The following RBFOX1 variants were observed in gnomAD, a reference collection of about 807,000 sequenced individuals.
RBFOX1 encodes the protein RNA binding protein fox-1 homolog 1.
In RBFOX1, 8 loss-of-function variants were observed where a neutral mutation model predicts 57.7. The ratio of observed to expected loss-of-function variants is 0.14; its 90% CI spans 0.08 to 0.25. RBFOX1 has a LOEUF of 0.25. RBFOX1 is among the 10% of genes least tolerant of loss of function. RBFOX1 has a pLI of 1.00. For synonymous variants in RBFOX1, 326 were observed against 222.4 expected, an observed-to-expected ratio of 1.47 and a Z score of -4.15; for missense variants, 611 against 548.5, an observed-to-expected ratio of 1.11 and a Z score of -1.14.
intron 3 of RBFOX1, among the ~76,000 whole-genome samples, chr16:6,815,891 A>G (rs1165876872): frequency 6.6e-6 from 1 of 152,248 alleles, no homozygotes; most frequent in African/African-American, 2.4e-5. Flanking sequence ...TTTAAAAAAT[A>G]ATTTACTTCC....
chr16:6,940,375 T>C (rs1021109755), intron 3 of RBFOX1, among the ~76,000 whole-genome samples: 1 of 152,138 alleles, frequency 6.6e-6, no homozygotes, highest in African/African-American at 2.4e-5. Context: ...TCACTTCCCA[T>C]CCGACAATTC....
chr16:6,425,673 GA>G (rs1416723970), intron 2 of RBFOX1, among the ~76,000 whole-genome samples: 2 of 152,122 alleles, frequency 1.3e-5, no homozygotes, highest in African/African-American at 4.8e-5. Flanking sequence ...TTTCTGTGGG[GA>G]AGATTTGTAT....
intron 3 of RBFOX1, among the ~76,000 whole-genome samples, chr16:7,046,217 G>C (rs2047873265): frequency 6.7e-6 from 1 of 150,360 alleles, no homozygotes; most frequent in Non-Finnish European, 1.5e-5. Flanking sequence ...TTTGTATAAA[G>C]TGTGAGGTTT....
chr16:5,576,494 G>A (rs1445419260), intron 2 of RBFOX1, among the ~76,000 whole-genome samples: 1 of 152,118 alleles, frequency 6.6e-6, no homozygotes, highest in African/African-American at 2.4e-5. Context: ...TCATCTGTGT[G>A]TATTGCAATT....
chr16:7,705,491 C>T (rs1238938781), intron 14 of RBFOX1, among the ~76,000 whole-genome samples: 1 of 152,072 alleles, frequency 6.6e-6, no homozygotes, highest in African/African-American at 2.4e-5. Flanking sequence ...AGCAACAGAG[C>T]AAGACCAACT....
chr16:7,458,156 G>A (rs184876657), intron 4 of RBFOX1, among the ~76,000 whole-genome samples: 2 of 152,214 alleles, frequency 1.3e-5, no homozygotes, highest in Non-Finnish European at 2.9e-5. Context: ...CTCATGGTGT[G>A]CACCACACGT....
chr16:6,845,811 A>C (rs149150131), intron 3 of RBFOX1, among the ~76,000 whole-genome samples: 1 of 152,160 alleles, frequency 6.6e-6, no homozygotes, highest in Non-Finnish European at 1.5e-5. Context: ...TATTTTAGAG[A>C]CTTTGTACCT....
intron 3 of RBFOX1, among the ~76,000 whole-genome samples, chr16:6,702,468 T>C (rs1361430851): frequency 6.6e-6 from 1 of 151,974 alleles, no homozygotes; most frequent in Non-Finnish European, 1.5e-5. Context: ...GCAGGAGAAT[T>C]GCTTGAGCCC....
intron 1 of RBFOX1, among the ~76,000 whole-genome samples, chr16:6,183,600 C>T (rs1420176843): frequency 1.3e-5 from 2 of 152,016 alleles, no homozygotes; most frequent in African/African-American, 4.8e-5. Flanking sequence ...GGGAATACAT[C>T]TCTGATGTGT....
At chr16:6,183,168 C>T (rs989445879) in intron 1 of RBFOX1, among the ~76,000 whole-genome samples, 1 of 151,836 alleles carries the variant, frequency 6.6e-6, no homozygotes, top group Non-Finnish European at 1.5e-5. Context: ...ATGTATTAAT[C>T]GCCATGAAGA....
chr16:6,162,520 C>G (rs979410469), intron 1 of RBFOX1, among the ~76,000 whole-genome samples: 1 of 152,096 alleles, frequency 6.6e-6, no homozygotes, highest in Non-Finnish European at 1.5e-5. Context: ...GTTTAAGGAA[C>G]GAAATGCAGG....
At chr16:7,272,441 C>A (rs992995955) in intron 4 of RBFOX1, among the ~76,000 whole-genome samples, 3 of 152,202 alleles carry the variant, frequency 2.0e-5, no homozygotes, top group African/African-American at 7.2e-5. Flanking sequence ...GCCTCAGTAT[C>A]CCAAAAGGCT....
rs116653146 is a variant in RBFOX1, at chr16:7,495,286, C to T, written c.28-22861C>T. Among the ~76,000 whole-genome samples, 706 of 152,320 alleles carry T rather than the reference C, an allele frequency of 4.6e-3. 12 individuals carry two copies. Among genetic ancestry groups the T allele is most frequent in the African/African-American group, 0.016 (670 of 41,576 alleles). ...TATTACAGTGATTAACATACTTGTG[C>T]AGGTGTCTTTCTGAGATAACAATTT... On this transcript the variant is annotated intron_variant, in intron 4 of 15. Transcript: ENST00000550418.
At chr16:5,592,636 A>G (rs1456556406) in intron 2 of RBFOX1, among the ~76,000 whole-genome samples, 1 of 152,104 alleles carries the variant, frequency 6.6e-6, no homozygotes, top group Non-Finnish European at 1.5e-5. Flanking sequence ...GGCTATAAAA[A>G]TCTATTTTAT....
chr16:6,864,766 C>T (rs1567618995), intron 3 of RBFOX1, among the ~76,000 whole-genome samples: 1 of 151,900 alleles, frequency 6.6e-6, no homozygotes, highest in African/African-American at 2.4e-5. Context: ...TTTTAAGTGT[C>T]TTTTTCCTCT....
chr16:7,326,751 CA>C (rs1158156782), intron 4 of RBFOX1, among the ~76,000 whole-genome samples: 1 of 152,022 alleles, frequency 6.6e-6, no homozygotes, highest in Non-Finnish European at 1.5e-5. Context: ...CCAGATCCCC[CA>C]GATCCAAACC....
At chr16:7,043,773 T>C (rs2046962789) in intron 3 of RBFOX1, among the ~76,000 whole-genome samples, 3 of 152,236 alleles carry the variant, frequency 2.0e-5, no homozygotes, top group Non-Finnish European at 4.4e-5. Flanking sequence ...CCAGTTCAAG[T>C]TAATCTCTCA....
chr16:5,768,822 A>G (rs1270881932), intron 3 of RBFOX1, among the ~76,000 whole-genome samples: 1 of 152,016 alleles, frequency 6.6e-6, no homozygotes, highest in Non-Finnish European at 1.5e-5. Context: ...GAACATGGGT[A>G]TGAGATGCCC....
chr16:7,568,748 A>T (rs776139710), intron 5 of RBFOX1, among the ~76,000 whole-genome samples: 4 of 151,832 alleles, frequency 2.6e-5, no homozygotes, highest in Non-Finnish European at 4.4e-5. Flanking sequence ...TTAGCCGGGC[A>T]TGGTGGCGGG....
Sources: allele counts gnomAD v4.1 joint callset (sites outside exome capture counted in the v4.1 genomes callset), GRCh38; gene constraint gnomAD v4.1.1; transcripts MANE v1.5; gene names NCBI Gene and HGNC (gene_info 2026-07-23, HGNC 2026-07-21).